Variants in GALNTL6 observed in about 807,000 individuals in gnomAD.
GALNTL6 encodes polypeptide N-acetylgalactosaminyltransferase-like 6.
Under a neutral mutation model 73.7 loss-of-function variants are expected in GALNTL6, and 46 were observed. That is an observed-to-expected ratio of 0.62 (90% confidence interval 0.49 to 0.80). The LOEUF (loss-of-function observed/expected upper bound fraction) is 0.80, where lower values mean the gene tolerates loss of function less well. Among genes scored for constraint, GALNTL6 ranks in the 30% least tolerant of loss-of-function variants. The probability of loss-of-function intolerance (pLI) is 0.00; values close to 1 mark genes in which losing one functional copy is unlikely to be tolerated. For missense variants in GALNTL6, 604 were observed against 755.0 expected (o/e 0.80, Z 2.34); for synonymous variants, 259 against 263.7 (o/e 0.98, Z 0.17).
rs13115145 is a variant in GALNTL6 at position 172,270,720 on chromosome 4, G to A, written c.248-40894G>A. ...TATGAGGCTTATACTTTCTTGATAG[G>A]TAGGTAGATGATAGATAGATAGATA... On this transcript the variant is annotated intron_variant, in intron 3 of 12. Coordinates refer to ENST00000506823, the MANE Select transcript of GALNTL6 (RefSeq NM_001034845.3). Among the ~76,000 whole-genome samples the A allele has an allele frequency of 2.2e-3, 283 of 126,976 alleles. 1 individual carries two copies. Among genetic ancestry groups the A allele is most frequent in the African/African-American group, 7.5e-3 (258 of 34,548 alleles). The allele number at this position is 126,976 out of a possible 152,430, so 83.3% of individuals were successfully genotyped here.
intron 11 of GALNTL6, among the ~76,000 whole-genome samples, chr4:173,020,841 G>A (rs774685122): frequency 6.6e-6 from 1 of 152,226 alleles, no homozygotes; most frequent in Non-Finnish European, 1.5e-5. Flanking sequence ...GGGAAGCCAA[G>A]GCGGGCAAAT....
At chr4:172,972,189 C>T (rs1436486956) in intron 10 of GALNTL6, among the ~76,000 whole-genome samples, 4 of 152,020 alleles carry the variant, frequency 2.6e-5, no homozygotes, top group Admixed American at 6.6e-5. Context: ...CAGAAAGAAA[C>T]ATGCTAATAA....
At chr4:172,350,859 A>C (rs997570245) in intron 5 of GALNTL6, among the ~76,000 whole-genome samples, 2 of 152,094 alleles carry the variant, frequency 1.3e-5, no homozygotes, top group African/African-American at 4.8e-5. Context: ...CTCCTTTCTG[A>C]ATTATGAGAA....
chr4:172,074,788 G>C (rs1055471931), intron 2 of GALNTL6, among the ~76,000 whole-genome samples: 8 of 152,126 alleles, frequency 5.3e-5, no homozygotes, highest in African/African-American at 1.9e-4. Flanking sequence ...TGGGGCAAAT[G>C]CACCAAACGA....
chr4:172,750,321 A>G (rs1737354027), intron 5 of GALNTL6, among the ~76,000 whole-genome samples: 1 of 152,244 alleles, frequency 6.6e-6, no homozygotes, highest in Non-Finnish European at 1.5e-5. Flanking sequence ...TTTGTGGTTC[A>G]CAAAGGAAGT....
intron 2 of GALNTL6, among the ~76,000 whole-genome samples, chr4:171,932,458 G>T (rs1738217912): frequency 6.6e-6 from 1 of 152,176 alleles, no homozygotes. Flanking sequence ...AGGGAAGCTG[G>T]AAGCCAGTGG....
rs544251015 is a variant in GALNTL6, at chr4:172,538,419, C to T, written c.553+189730C>T. ...AGCTTGCAAAGAGCCAAGATTGCGC[C>T]ACTGCACTCCAGCCTGGGTGACAGA... On this transcript the variant is annotated intron_variant, in intron 5 of 12. Transcript: ENST00000506823. Among the ~76,000 whole-genome samples, 7 of 152,210 alleles carry T rather than the reference C, an allele frequency of 4.6e-5. No individual in the cohort carries two copies. The South Asian group carries it at 1.5e-3, about 32-fold the overall frequency.
chr4:172,156,661 G>T (rs1208539458), intron 2 of GALNTL6, among the ~76,000 whole-genome samples: 1 of 150,120 alleles, frequency 6.7e-6, no homozygotes, highest in African/African-American at 2.5e-5. Flanking sequence ...GGAAATGAGA[G>T]ATAGGCAATT....
chr4:172,315,499 C>T (rs1740510903), intron 4 of GALNTL6, among the ~76,000 whole-genome samples: 1 of 152,218 alleles, frequency 6.6e-6, no homozygotes, highest in Admixed American at 6.5e-5. Context: ...AGTCTGCCTG[C>T]CTTGGCCTCC....
intron 5 of GALNTL6, among the ~76,000 whole-genome samples, chr4:172,683,041 T>C (rs951299039): frequency 1.3e-5 from 2 of 152,192 alleles, no homozygotes; most frequent in Non-Finnish European, 2.9e-5. Flanking sequence ...TTCTTCAAAG[T>C]GCAAAACAGG....
chr4:172,135,388 G>A lies in GALNTL6; in HGVS notation c.139-94268G>A, dbSNP rs1010467886. The stretch of plus-strand genomic sequence containing the variant: ...ATGACACATCCAGGACCCATAAAAG[G>A]AACTCTGTACTTAGGAAAAAGAGAG... On this transcript the variant is annotated intron_variant, in intron 2 of 12. Coordinates refer to ENST00000506823, the MANE Select transcript of GALNTL6 (RefSeq NM_001034845.3). 3.4e-5 allele frequency among the ~76,000 whole-genome samples: 5 copies of A among 148,660 alleles called. No individual in the cohort carries two copies. In the Admixed American group the frequency reaches 3.4e-4, roughly 10 times the overall value.
chr4:173,025,111 G>A (rs1342280514), intron 12 of GALNTL6, among the ~76,000 whole-genome samples: 2 of 152,126 alleles, frequency 1.3e-5, no homozygotes, highest in African/African-American at 4.8e-5. Flanking sequence ...TCCGCTTTTA[G>A]TTATTTTTAG....
At chr4:172,297,810 G>A (rs1340357214) in intron 3 of GALNTL6, among the ~76,000 whole-genome samples, 1 of 152,014 alleles carries the variant, frequency 6.6e-6, no homozygotes, top group Non-Finnish European at 1.5e-5. Flanking sequence ...TGTTCTTTTG[G>A]CTTAGGATTG....
intron 5 of GALNTL6, among the ~76,000 whole-genome samples, chr4:172,367,530 T>A (rs1393298028): frequency 2.6e-5 from 4 of 152,216 alleles, no homozygotes; most frequent in Non-Finnish European, 5.9e-5. Flanking sequence ...TTATTTGAAT[T>A]TCTGCATACA....
intron 5 of GALNTL6, among the ~76,000 whole-genome samples, chr4:172,797,629 C>T (rs1221885806): frequency 6.6e-6 from 1 of 152,124 alleles, no homozygotes; most frequent in Admixed American, 6.5e-5. Context: ...GCAACCTCAG[C>T]CTCCCGGGTT....
intron 7 of GALNTL6, among the ~76,000 whole-genome samples, chr4:172,844,067 A>T (rs1017995938): frequency 3.3e-5 from 5 of 152,234 alleles, no homozygotes; most frequent in African/African-American, 1.2e-4. Flanking sequence ...TTGAAAAATA[A>T]AAATAAATAA....
intron 5 of GALNTL6, among the ~76,000 whole-genome samples, chr4:172,579,597 T>A (rs1319990357): frequency 6.6e-6 from 1 of 152,110 alleles, no homozygotes; most frequent in Non-Finnish European, 1.5e-5. Flanking sequence ...TCCACATGAT[T>A]TCAAACGATT....
chr4:172,788,577 CAGG>C (rs1739802900), intron 5 of GALNTL6, among the ~76,000 whole-genome samples: 1 of 147,864 alleles, frequency 6.8e-6, no homozygotes, highest in South Asian at 2.1e-4. Flanking sequence ...GAGGCTGAGG[CAGG>C]AGAATGCCGT....
intron 5 of GALNTL6, among the ~76,000 whole-genome samples, chr4:172,390,176 ATTGTTTAATAT>A (rs1743610853): frequency 1.3e-5 from 2 of 152,152 alleles, no homozygotes; most frequent in African/African-American, 4.8e-5. Flanking sequence ...TTAGGGGCCT[ATTGTTTAATAT>A]TTTAAAAATT....
Sources: allele counts gnomAD v4.1 joint callset (sites outside exome capture counted in the v4.1 genomes callset), GRCh38; gene constraint gnomAD v4.1.1; transcripts MANE v1.5; gene names NCBI Gene and HGNC (gene_info 2026-07-23, HGNC 2026-07-21).